Variants in WSB1 observed in about 807,000 individuals in gnomAD.
WSB1 encodes WD repeat and SOCS box-containing protein 1.
Under a neutral mutation model 50.2 loss-of-function variants are expected in WSB1, and 23 were observed. The ratio of observed to expected loss-of-function variants is 0.46; its 90% CI spans 0.33 to 0.65. The LOEUF is 0.65. Among genes scored for constraint, WSB1 ranks in the 30% least tolerant of loss-of-function variants. WSB1 has a pLI of 0.02. For missense variants in WSB1, 492 were observed against 522.3 expected (o/e 0.94, Z 0.56); for synonymous variants, 179 against 172.0 (o/e 1.04, Z -0.32).
chr17:27,299,805 C>T (rs569679290), intron 1 of WSB1, among the ~76,000 whole-genome samples: 2 of 152,212 alleles, frequency 1.3e-5, no homozygotes, highest in South Asian at 4.1e-4. Context: ...TATATAAATG[C>T]CATATGAGGA....
chr17:27,310,735 T>G (rs1567693340), intron 7 of WSB1, among the ~76,000 whole-genome samples: 1 of 152,228 alleles, frequency 6.6e-6, no homozygotes. Flanking sequence ...TTTGTTTGTT[T>G]GTCTGCAACC....
At chr17:27,295,562 GA>G (rs1253354182) in intron 1 of WSB1, among the ~76,000 whole-genome samples, 4 of 151,194 alleles carry the variant, frequency 2.6e-5, no homozygotes, top group East Asian at 3.9e-4. Flanking sequence ...AAAAAAAAGG[GA>G]AAAAATTGTA....
intron 4 of WSB1, 39 bp downstream of exon 4, chr17:27,304,950 C>A: frequency 6.2e-7 from 1 of 1,610,996 alleles, no homozygotes; most frequent in Non-Finnish European, 8.5e-7. Context: ...GGATTTGTTT[C>A]TTGATACTAC....
intron 1 of WSB1, among the ~76,000 whole-genome samples, chr17:27,301,450 A>T (rs531987462): frequency 2.0e-5 from 3 of 152,228 alleles, no homozygotes; most frequent in African/African-American, 4.8e-5. Context: ...TAATAATTTG[A>T]TGAGAACGTA....
chr17:27,312,616 T>C lies in WSB1; in HGVS notation c.*247T>C, dbSNP rs1273534503. On this transcript the variant is annotated 3_prime_UTR_variant, in exon 9 of 9. Coordinates refer to ENST00000262394, the MANE Select transcript of WSB1 (RefSeq NM_015626.10). ...GTGAAAACATACATACCTGTACATA[T>C]TTAGATATAAGCTGCTATATGTTGA... 7.0e-6 allele frequency: 3 copies of C among 426,568 alleles called. No individual in the cohort carries two copies. The highest frequency in any genetic ancestry group is 1.2e-5 in the Non-Finnish European group (3 of 246,744). 26.4% of individuals were successfully genotyped at this position (426,568 alleles called of 1,614,324 possible).
At chr17:27,309,589 A>T (rs1020965786) in intron 6 of WSB1, among the ~76,000 whole-genome samples, 11 of 147,000 alleles carry the variant, frequency 7.5e-5, no homozygotes, top group African/African-American at 2.3e-4. Flanking sequence ...ATCATAAAAG[A>T]TTTTTTTTTT....
chr17:27,296,242 C>CT (rs2016974369), intron 1 of WSB1, among the ~76,000 whole-genome samples: 1 of 150,988 alleles, frequency 6.6e-6, no homozygotes. Context: ...CTTTTCTTTT[C>CT]TTTCTTTTTT....
intron 8 of WSB1, 65 bp downstream of exon 8, chr17:27,311,681 G>A: frequency 1.7e-6 from 2 of 1,183,484 alleles, no homozygotes; most frequent in Non-Finnish European, 2.3e-6. Context: ...TCCCAGGCTG[G>A]AGTACAGTGG....
intron 4 of WSB1, among the ~76,000 whole-genome samples, chr17:27,305,719 G>C (rs1031952790): frequency 6.6e-6 from 1 of 152,192 alleles, no homozygotes; most frequent in African/African-American, 2.4e-5. Flanking sequence ...CCTTAATAAA[G>C]TTCTATGCTA....
chr17:27,301,410 A>G (rs2017223768), intron 1 of WSB1, among the ~76,000 whole-genome samples: 1 of 152,206 alleles, frequency 6.6e-6, no homozygotes, highest in Non-Finnish European at 1.5e-5. Flanking sequence ...TTTCCTGCCA[A>G]CTAAGTTTAA....
Position 27,312,327 on chromosome 17 carries a change from G to T in WSB1, c.1224G>T (p.Pro408=), listed in dbSNP as rs776816369. The part of the protein sequence containing the change: ...VMPTQEVQEL[P]IPSKLLEFLS... ...CCACCCAAGAAGTTCAGGAGCTGCCGATTCCTTCCAAGCTTTTGGAGTTTC... is the reference window on the plus strand; with the variant it reads ...CCACCCAAGAAGTTCAGGAGCTGCCTATTCCTTCCAAGCTTTTGGAGTTTC... Residue 408 remains proline (P), a synonymous_variant, in exon 9 of 9, where the codon CCG becomes CCT. Transcript: ENST00000262394. The T allele has an allele frequency of 1.2e-6, 2 of 1,613,962 alleles. No homozygotes were observed. Among genetic ancestry groups the T allele is most frequent in the Middle Eastern group, 1.6e-4 (1 of 6,082 alleles).
At chr17:27,304,539 A>G (rs1011612736) in intron 3 of WSB1, among the ~76,000 whole-genome samples, 23 of 61,636 alleles carry the variant, frequency 3.7e-4, no homozygotes, top group African/African-American at 1.3e-3. Context: ...TCTCTCCAAA[A>G]AAAAAAAAAA....
At chr17:27,311,672 C>T (rs1246914796) in intron 8 of WSB1, 56 bp downstream of exon 8, 3 of 1,215,884 alleles carry the variant, frequency 2.5e-6, no homozygotes, top group Non-Finnish European at 3.3e-6. Flanking sequence ...GATGTAGTCT[C>T]CCAGGCTGGA....
rs1476450444 is a variant in WSB1, at chr17:27,312,746, C to T, written c.*377C>T. On this transcript the variant is annotated 3_prime_UTR_variant, in exon 9 of 9. Transcript: ENST00000262394. ...GTAAAGTGCAAGGAAATTTTAAATT[C>T]TGGGACACTGAGTTAGATGGTAAAT... 6.1e-6 allele frequency: 1 copy of T among 163,302 alleles called. No homozygotes were observed. The highest frequency in any genetic ancestry group is 6.4e-5 in the Admixed American group (1 of 15,528). The allele number at this position is 163,302 out of a possible 1,614,324, so 10.1% of individuals were successfully genotyped here. A position where few individuals can be genotyped will look rare whatever the true frequency, so the allele number is the denominator to read the frequency against.
At chr17:27,304,975 G>T in intron 4 of WSB1, 64 bp downstream of exon 4, 1 of 1,583,482 alleles carries the variant, frequency 6.3e-7, no homozygotes, top group Non-Finnish European at 8.6e-7. Context: ...GAGAGGTATT[G>T]GGAACATGTG....
At chr17:27,303,778 A>G (rs1334201507) in intron 3 of WSB1, 143 bp downstream of exon 3, 1 of 968,226 alleles carries the variant, frequency 1.0e-6, no homozygotes, top group East Asian at 2.5e-5. Context: ...AATAGACCTG[A>G]ATGTCACCTT....
At chr17:27,300,890 A>T (rs1488483188) in intron 1 of WSB1, among the ~76,000 whole-genome samples, 2 of 148,126 alleles carry the variant, frequency 1.4e-5, no homozygotes, top group African/African-American at 5.0e-5. Flanking sequence ...ATTTTAGCTT[A>T]TTTTTTTTTT....
At chr17:27,303,869 A>AG (rs1353061814) in intron 3 of WSB1, 1 of 437,860 alleles carries the variant, frequency 2.3e-6, no homozygotes, top group Non-Finnish European at 4.0e-6. Context: ...ACAGTAGGAA[A>AG]GGGTTTTCCA....
Position 27,312,379 on chromosome 17 carries a change from C to G in WSB1, c.*10C>G. The G allele has an allele frequency of 6.2e-7, 1 of 1,613,744 alleles. No homozygotes were observed. Among genetic ancestry groups the G allele is most frequent in the South Asian group, 1.1e-5 (1 of 90,974 alleles). ...CTCGTATCGTATTTAGAAGATTCTG[C>G]CTTCCCTAGTAGTAGGGACTGACAG... On this transcript the variant is annotated 3_prime_UTR_variant, in exon 9 of 9. Transcript: ENST00000262394.
Sources: allele counts gnomAD v4.1 joint callset (sites outside exome capture counted in the v4.1 genomes callset), GRCh38; gene constraint gnomAD v4.1.1; transcripts MANE v1.5; gene names NCBI Gene and HGNC (gene_info 2026-07-23, HGNC 2026-07-21).